The following HMBOX1 variants were observed in gnomAD, a reference collection of about 807,000 sequenced individuals.
The protein encoded by HMBOX1 is homeobox containing 1, also known as homeobox-containing protein 1.
In HMBOX1, 14 loss-of-function variants were observed where a neutral mutation model predicts 54.5. That is an observed-to-expected ratio of 0.26 (90% CI 0.17 to 0.40). The LOEUF is 0.40. Among genes scored for constraint, HMBOX1 ranks in the 10% least tolerant of loss-of-function variants. The pLI is 1.00. For missense variants in HMBOX1, 332 were observed against 514.4 expected, an observed-to-expected ratio of 0.65 and a Z score of 3.43; for synonymous variants, 160 against 181.0, an observed-to-expected ratio of 0.88 and a Z score of 0.93.
intron 1 of HMBOX1, among the ~76,000 whole-genome samples, chr8:28,925,335 T>G (rs1257822332): frequency 1.3e-5 from 2 of 152,202 alleles, no homozygotes; most frequent in Non-Finnish European, 2.9e-5. Flanking sequence ...TTGCATCTGA[T>G]CAGCCTGGTT....
At chr8:28,943,694 A>T (rs1434113222) in intron 1 of HMBOX1, among the ~76,000 whole-genome samples, 1 of 152,194 alleles carries the variant, frequency 6.6e-6, no homozygotes, top group African/African-American at 2.4e-5. Context: ...ACATAAGTAT[A>T]AAGAATTATG....
intron 3 of HMBOX1, among the ~76,000 whole-genome samples, chr8:28,977,015 A>G (rs1489547987): frequency 2.0e-5 from 3 of 152,090 alleles, no homozygotes; most frequent in East Asian, 1.9e-4. Context: ...GGCTATTTCT[A>G]TGTTTTTAAA....
At chr8:29,016,669 T>G (rs1586504016) in intron 5 of HMBOX1, among the ~76,000 whole-genome samples, 1 of 152,196 alleles carries the variant, frequency 6.6e-6, no homozygotes, top group Non-Finnish European at 1.5e-5. Context: ...GACTGGATGG[T>G]CCACTTGGAA....
At chr8:28,949,401 C>T (rs939512620) in intron 1 of HMBOX1, among the ~76,000 whole-genome samples, 2 of 152,224 alleles carry the variant, frequency 1.3e-5, no homozygotes, top group African/African-American at 4.8e-5. Context: ...GTAACTCTTT[C>T]ATCCTGAGAA....
At chr8:28,979,968 C>T (rs1829078812) in intron 3 of HMBOX1, 103 bp from the exon 4 acceptor site, 2 of 839,914 alleles carry the variant, frequency 2.4e-6, no homozygotes, top group South Asian at 1.4e-5. Flanking sequence ...TTTTTGTGTC[C>T]TTTCTGTGTT....
chr8:29,040,695 A>T (rs1804686096), intron 6 of HMBOX1, among the ~76,000 whole-genome samples: 1 of 152,140 alleles, frequency 6.6e-6, no homozygotes, highest in South Asian at 2.1e-4. Flanking sequence ...AGAAAGGATT[A>T]ATTAGTTACC....
At chr8:28,958,758 CCTT>C (rs1824934899) in intron 1 of HMBOX1, among the ~76,000 whole-genome samples, 1 of 151,710 alleles carries the variant, frequency 6.6e-6, no homozygotes. Flanking sequence ...TAATATTTGC[CCTT>C]CTTATGTTTT....
chr8:28,932,301 T>A (rs1481974059), intron 1 of HMBOX1, among the ~76,000 whole-genome samples: 1 of 152,196 alleles, frequency 6.6e-6, no homozygotes, highest in Non-Finnish European at 1.5e-5. Flanking sequence ...CTATGTACAG[T>A]AGGAAGCCAA....
chr8:29,024,420 A>T (rs1330401364), intron 6 of HMBOX1, among the ~76,000 whole-genome samples: 8 of 152,330 alleles, frequency 5.3e-5, no homozygotes, highest in Non-Finnish European at 1.2e-4. Context: ...AAGTGTTGGC[A>T]TTCGGGCCTT....
intron 8 of HMBOX1, 131 bp from the exon 9 acceptor site, chr8:29,048,823 A>G (rs570750394): frequency 2.9e-6 from 2 of 679,848 alleles, no homozygotes; most frequent in East Asian, 5.0e-5. Context: ...TAAAAGAAAC[A>G]AATGTAGAGA....
chr8:29,050,893 T>A (rs1806345423), intron 9 of HMBOX1, 125 bp from the exon 10 acceptor site: 1 of 815,128 alleles, frequency 1.2e-6, no homozygotes, highest in East Asian at 2.6e-5. Context: ...ACCTCTATTT[T>A]ATCATGAGCC....
intron 1 of HMBOX1, among the ~76,000 whole-genome samples, chr8:28,932,719 T>C (rs1219100880): frequency 6.6e-6 from 1 of 152,220 alleles, no homozygotes; most frequent in Non-Finnish European, 1.5e-5. Context: ...TCTTATGATT[T>C]TGAAGTTTGG....
At chr8:29,036,076 TA>T in intron 6 of HMBOX1, among the ~76,000 whole-genome samples, 1 of 152,278 alleles carries the variant, frequency 6.6e-6, no homozygotes, top group Middle Eastern at 3.4e-3. Flanking sequence ...AGTAATAGGA[TA>T]AAGTGTACTA....
chr8:28,941,016 T>G (rs11991240), intron 1 of HMBOX1, among the ~76,000 whole-genome samples: 3 of 152,342 alleles, frequency 2.0e-5, no homozygotes, highest in African/African-American at 7.2e-5. Context: ...TACTTTTTGC[T>G]TATCTTAGAA....
intron 1 of HMBOX1, among the ~76,000 whole-genome samples, chr8:28,955,519 C>A (rs1360452418): frequency 1.3e-5 from 2 of 152,136 alleles, no homozygotes; most frequent in Non-Finnish European, 2.9e-5. Flanking sequence ...TTATTTTTTA[C>A]TCAACACTGC....
chr8:28,914,093 C>G (rs1229881441), intron 1 of HMBOX1, among the ~76,000 whole-genome samples: 4 of 151,918 alleles, frequency 2.6e-5, no homozygotes, highest in African/African-American at 9.7e-5. Context: ...GTCTCGAACT[C>G]CTGACCTCAA....
At chr8:28,979,889 G>A (rs899388783) in intron 3 of HMBOX1, among the ~76,000 whole-genome samples, 182 bp from the exon 4 acceptor site, 3 of 152,158 alleles carry the variant, frequency 2.0e-5, no homozygotes, top group Admixed American at 2.0e-4. Context: ...TTTAGGACTT[G>A]AATATTTGGT....
At chr8:29,031,316 C>G (rs931017018) in intron 6 of HMBOX1, among the ~76,000 whole-genome samples, 1 of 151,992 alleles carries the variant, frequency 6.6e-6, no homozygotes, top group Non-Finnish European at 1.5e-5. Flanking sequence ...GTGGCTAAGT[C>G]AGTGATGATG....
chr8:28,967,720 A>G (rs1489471818), intron 2 of HMBOX1, among the ~76,000 whole-genome samples: 10 of 152,242 alleles, frequency 6.6e-5, no homozygotes, highest in Non-Finnish European at 1.3e-4. Flanking sequence ...AATAATGTTT[A>G]TGTTTAATTT....
Sources: gnomAD v4.1 joint callset for allele counts (sites outside exome capture counted in the v4.1 genomes callset) on GRCh38, gnomAD v4.1.1 for gene constraint, MANE v1.5 for transcripts, NCBI Gene and HGNC (gene_info 2026-07-23, HGNC 2026-07-21) for gene names.